Variants in PLA2G12B observed in about 807,000 individuals in gnomAD.
PLA2G12B encodes the protein phospholipase A2 group XIIB.
In PLA2G12B, 19 loss-of-function variants were observed where a neutral mutation model predicts 22.3. The observed-to-expected ratio is 0.85, with a 90% CI of 0.60 to 1.25. The LOEUF is 1.25. PLA2G12B is among the 50% of genes most tolerant of loss of function. PLA2G12B has a pLI of 0.00. For missense variants in PLA2G12B, 191 were observed against 246.6 expected (o/e 0.77, Z 1.51); for synonymous variants, 81 against 94.9 (o/e 0.85, Z 0.85).
At chr10:72,952,859 C>A (rs1014789502) in intron 1 of PLA2G12B, among the ~76,000 whole-genome samples, 1 of 152,186 alleles carries the variant, frequency 6.6e-6, no homozygotes, top group Non-Finnish European at 1.5e-5. Flanking sequence ...AGAGGCTCCG[C>A]AACTAAAATT....
chr10:72,942,720 G>A lies in PLA2G12B; in HGVS notation c.232C>T (p.Pro78Ser). 2 of 1,605,224 alleles carry A rather than the reference G, an allele frequency of 1.2e-6. No homozygotes were observed. Among genetic ancestry groups the A allele is most frequent in the Non-Finnish European group, 1.7e-6 (2 of 1,175,550 alleles). ...CRYGKAPMPR[P>S]GYKPQEPNGC... is the part of the protein sequence containing the mutation. The stretch of plus-strand genomic sequence containing the variant: ...TTGGGCTCTTGGGGCTTGTAGCCAG[G>A]TCTGGGCATTGGTGCCTTTCCTTGC... The change falls in exon 2 of 4, where the codon CCT becomes TCT. Residue 78 changes from proline (P) to serine (S), a missense_variant. Physicochemically the swap from Pro to Ser is moderately conservative, Grantham distance 74. Transcript: ENST00000373032.
At chr10:72,947,833 T>TGA (rs1846467496) in intron 1 of PLA2G12B, among the ~76,000 whole-genome samples, 1 of 152,176 alleles carries the variant, frequency 6.6e-6, no homozygotes, top group Admixed American at 6.5e-5. Context: ...CTGTGTCTGG[T>TGA]GAGGGCCTTC....
intron 1 of PLA2G12B, among the ~76,000 whole-genome samples, chr10:72,943,252 C>T (rs1846390383): frequency 6.6e-6 from 1 of 152,170 alleles, no homozygotes; most frequent in African/African-American, 2.4e-5. Context: ...AGGCGTGAGC[C>T]ACCACACCCA....
intron 3 of PLA2G12B, 112 bp from the exon 4 acceptor site, chr10:72,935,850 A>T: frequency 2.2e-6 from 3 of 1,342,248 alleles, no homozygotes; most frequent in Non-Finnish European, 3.0e-6. Flanking sequence ...CAAATACAGA[A>T]TTCAAAGGAA....
At chr10:72,952,583 G>T (rs891633951) in intron 1 of PLA2G12B, among the ~76,000 whole-genome samples, 1 of 152,208 alleles carries the variant, frequency 6.6e-6, no homozygotes, top group Non-Finnish European at 1.5e-5. Context: ...GAGCAGACTC[G>T]TTGTTAGGTG....
chr10:72,937,365 G>A (rs1846295211), intron 3 of PLA2G12B, among the ~76,000 whole-genome samples: 1 of 152,154 alleles, frequency 6.6e-6, no homozygotes, highest in South Asian at 2.1e-4. Flanking sequence ...GATTACTAGT[G>A]TATATAAATA....
At chr10:72,943,626 T>C (rs943267035) in intron 1 of PLA2G12B, among the ~76,000 whole-genome samples, 1 of 152,194 alleles carries the variant, frequency 6.6e-6, no homozygotes, top group South Asian at 2.1e-4. Context: ...CTTTCAAATG[T>C]GTAGAGAGAA....
At chr10:72,948,826 GCTT>G (rs982587699) in intron 1 of PLA2G12B, among the ~76,000 whole-genome samples, 2 of 152,166 alleles carry the variant, frequency 1.3e-5, no homozygotes, top group Non-Finnish European at 2.9e-5. Flanking sequence ...AAACTTAAAA[GCTT>G]CTGAATAAAG....
rs41307510 is a variant in PLA2G12B, at chr10:72,954,789, G to C, written c.-104C>G. On this transcript the variant is annotated 5_prime_UTR_variant, in exon 1 of 4. Coordinates refer to ENST00000373032, the MANE Select transcript of PLA2G12B (RefSeq NM_032562.5). ...CAGATGTCAGGCAGGACTGGGAAAG[G>C]GATTATCTGGAACATTCAATCTGTC... is the stretch of plus-strand genomic sequence containing the variant. 0.034 allele frequency: 39,429 copies of C among 1,162,108 alleles called. 817 individuals carry two copies. Among genetic ancestry groups the C allele is most frequent in the Non-Finnish European group, 0.043 (35,136 of 820,500 alleles). The allele number at this position is 1,162,108 out of a possible 1,614,324, so 72.0% of individuals were successfully genotyped here.
intron 1 of PLA2G12B, among the ~76,000 whole-genome samples, chr10:72,943,920 ATAAT>A (rs1421138791): frequency 6.6e-6 from 1 of 152,192 alleles, no homozygotes; most frequent in Non-Finnish European, 1.5e-5. Flanking sequence ...TGTGCTAAGA[ATAAT>A]TAATCCTTAG....
chr10:72,952,953 G>T lies in PLA2G12B; in HGVS notation c.211+1522C>A, dbSNP rs537104412. Reference sequence around the variant, plus strand: ...TTTCCTAATAAAAATTCCTGCTGTTGCCTATTTGCTGAACTACAGATACTA... The same window carrying T: ...TTTCCTAATAAAAATTCCTGCTGTTTCCTATTTGCTGAACTACAGATACTA... On this transcript the variant is annotated intron_variant, in intron 1 of 3. Coordinates refer to ENST00000373032, the MANE Select transcript of PLA2G12B (RefSeq NM_032562.5). 2.6e-5 allele frequency among the ~76,000 whole-genome samples: 4 copies of T among 152,324 alleles called. No homozygotes were observed. The East Asian group carries it at 7.7e-4, about 29-fold the overall frequency.
Position 72,935,638 on chromosome 10 carries a change from C to T in PLA2G12B, c.567G>A (p.Glu189=), listed in dbSNP as rs1352473325. The change falls in exon 4 of 4, where the codon GAG becomes GAA. Residue 189 remains glutamate, a synonymous_variant. Coordinates refer to ENST00000373032, the MANE Select transcript of PLA2G12B (RefSeq NM_032562.5). ...TTCCTCATAACTCTTCCTTCTCCTC[C>T]TCTGCACAGATGCAAGCTGCCCGCT... The part of the protein sequence containing the change: ...NSQRAACICA[E]EEKEEL The T allele has an allele frequency of 6.2e-7, 1 of 1,614,188 alleles. No individual in the cohort carries two copies. The highest frequency in any genetic ancestry group is 8.5e-7 in the Non-Finnish European group (1 of 1,180,022).
intron 1 of PLA2G12B, among the ~76,000 whole-genome samples, chr10:72,953,122 A>G (rs1348558835): frequency 1.3e-5 from 2 of 152,228 alleles, no homozygotes; most frequent in Non-Finnish European, 2.9e-5. Flanking sequence ...TGCCTTGGAC[A>G]AATACATGGT....
chr10:72,951,452 CTTTTT>C (rs71482537), intron 1 of PLA2G12B, among the ~76,000 whole-genome samples: 1 of 117,134 alleles, frequency 8.5e-6, no homozygotes, highest in African/African-American at 4.1e-5. Context: ...GCACAGACTC[CTTTTT>C]TTTTTTTTTT....
chr10:72,946,221 G>A lies in PLA2G12B; in HGVS notation c.212-3481C>T, dbSNP rs117540240. 7.9e-3 allele frequency among the ~76,000 whole-genome samples: 1,200 copies of A among 152,226 alleles called. 9 individuals carry two copies. The highest frequency in any genetic ancestry group is 0.013 in the Admixed American group (193 of 15,290). On this transcript the variant is annotated intron_variant, in intron 1 of 3. Transcript: ENST00000373032. ...TAAATCATACAATATGTGGCCTTTT[G>A]TGTCTGGCTTCTTTCTCTTAGCAAA...
intron 3 of PLA2G12B, among the ~76,000 whole-genome samples, chr10:72,936,560 A>ATAATAACCACTAAAC (rs1186408101): frequency 2.6e-5 from 4 of 152,208 alleles, no homozygotes; most frequent in African/African-American, 9.7e-5. Flanking sequence ...GGCAATCCAT[A>ATAATAACCACTAAAC]CAGAGAGTAA....
Position 72,938,371 on chromosome 10 carries a change from T to C in PLA2G12B, c.467-2633A>G, listed in dbSNP as rs12256374. Among the ~76,000 whole-genome samples, 1,130 of 151,992 alleles carry C rather than the reference T, an allele frequency of 7.4e-3. 16 individuals carry two copies. Among genetic ancestry groups the C allele is most frequent in the African/African-American group, 0.026 (1,064 of 41,498 alleles). On this transcript the variant is annotated intron_variant, in intron 3 of 3. Coordinates refer to ENST00000373032, the MANE Select transcript of PLA2G12B (RefSeq NM_032562.5). ...AGGGCAATTAGGCAAGAGAAAAAAT[T>C]TAAAAAATCCAAATTGGAAAGGAAG...
At chr10:72,939,509 A>G (rs1287353997) in intron 3 of PLA2G12B, among the ~76,000 whole-genome samples, 1 of 152,232 alleles carries the variant, frequency 6.6e-6, no homozygotes, top group Non-Finnish European at 1.5e-5. Flanking sequence ...ACCGGGTTGG[A>G]AACACTCTTT....
intron 1 of PLA2G12B, among the ~76,000 whole-genome samples, chr10:72,949,853 G>A (rs898999609): frequency 2.0e-5 from 3 of 152,178 alleles, no homozygotes; most frequent in Admixed American, 6.5e-5. Context: ...GCGCATGCCT[G>A]TAATCCCAGC....
Sources: gnomAD v4.1 joint callset for allele counts (sites outside exome capture counted in the v4.1 genomes callset) on GRCh38, gnomAD v4.1.1 for gene constraint, MANE v1.5 for transcripts, NCBI Gene and HGNC (gene_info 2026-07-23, HGNC 2026-07-21) for gene names.